The following CDYL2 variants were observed in gnomAD, a reference collection of about 807,000 sequenced individuals.
The protein encoded by CDYL2 is chromodomain Y like 2, also known as chromodomain Y-like protein 2.
A neutral mutation model predicts 49.4 loss-of-function variants in CDYL2; 23 were observed. That is an observed-to-expected ratio of 0.47 (90% CI 0.34 to 0.66). The LOEUF (loss-of-function observed/expected upper bound fraction) is 0.66. Ranked by LOEUF, CDYL2 falls within the 30% of genes least tolerant of loss-of-function variation. The pLI, the probability that CDYL2 is intolerant of heterozygous loss-of-function variation, is 0.01. For synonymous variants in CDYL2, 360 were observed against 268.8 expected (o/e 1.34, Z -3.32); for missense variants, 678 against 656.4 (o/e 1.03, Z -0.36).
chr16:80,627,445 T>C (rs1012320453), intron 3 of CDYL2: 1 of 152,248 alleles, frequency 6.6e-6, no homozygotes, highest in South Asian at 2.1e-4. Flanking sequence ...ATCTCATTTA[T>C]GAATTAAACT....
intron 1 of CDYL2, among the ~76,000 whole-genome samples, chr16:80,698,684 T>G (rs1904286622): frequency 6.6e-6 from 1 of 152,088 alleles, no homozygotes; most frequent in African/African-American, 2.4e-5. Flanking sequence ...GTATGTAGCA[T>G]CTCTCCTCCT....
chr16:80,620,797 G>T lies in CDYL2; in HGVS notation c.973C>A (p.Arg325=), dbSNP rs759272484. Residue 325 remains arginine, a synonymous_variant, in exon 4 of 7, where the codon CGA becomes AGA. Transcript: ENST00000570137. The part of the protein sequence containing the change: ...YLIGRLSSDR[R]KESTRIAEAI... ...TCTGCAATCCGAGTGCTCTCCTTTC[G>T]CCGGTCGCTGGACAACCGGCCAATT... 59 of 1,609,490 alleles carry T rather than the reference G, an allele frequency of 3.7e-5. No individual in the cohort carries two copies. Among genetic ancestry groups the T allele is most frequent in the Non-Finnish European group, 4.9e-5 (58 of 1,176,958 alleles).
intron 1 of CDYL2, among the ~76,000 whole-genome samples, chr16:80,713,566 A>G (rs1904693869): frequency 6.6e-6 from 1 of 151,976 alleles, no homozygotes; most frequent in Non-Finnish European, 1.5e-5. Context: ...GCCTCAACAC[A>G]ATCTTCTCTA....
chr16:80,672,252 G>C (rs1008698330), intron 2 of CDYL2, among the ~76,000 whole-genome samples: 1 of 151,434 alleles, frequency 6.6e-6, no homozygotes, highest in Non-Finnish European at 1.5e-5. Flanking sequence ...TATGGAAATA[G>C]ACGGAAACAG....
At chr16:80,646,108 T>G (rs1908332336) in intron 2 of CDYL2, among the ~76,000 whole-genome samples, 1 of 151,982 alleles carries the variant, frequency 6.6e-6, no homozygotes, top group Non-Finnish European at 1.5e-5. Flanking sequence ...AACCTGCACG[T>G]TGTGTACATG....
At chr16:80,795,248 T>G (rs1907735885) in intron 1 of CDYL2, among the ~76,000 whole-genome samples, 1 of 152,120 alleles carries the variant, frequency 6.6e-6, no homozygotes, top group Non-Finnish European at 1.5e-5. Context: ...CACAAACGTA[T>G]CCCTCAAGTC....
At chr16:80,719,844 A>G (rs3100180) in intron 1 of CDYL2, among the ~76,000 whole-genome samples, 99,057 of 152,030 alleles carry the variant, frequency 0.65, 32,725 homozygotes, top group Middle Eastern at 0.74. Flanking sequence ...TCAGCCCAAG[A>G]GGGTACCAAA....
chr16:80,743,875 C>A (rs935366436), intron 1 of CDYL2, among the ~76,000 whole-genome samples: 6 of 152,142 alleles, frequency 3.9e-5, no homozygotes, highest in African/African-American at 1.2e-4. Context: ...TGCCTGAACA[C>A]AGGCTTGGCA....
At chr16:80,766,778 A>C (rs1906741336) in intron 1 of CDYL2, among the ~76,000 whole-genome samples, 1 of 152,234 alleles carries the variant, frequency 6.6e-6, no homozygotes, top group Non-Finnish European at 1.5e-5. Flanking sequence ...AAGTGTAAAA[A>C]GCAACATCAC....
At chr16:80,787,885 C>T (rs1907488137) in intron 1 of CDYL2, among the ~76,000 whole-genome samples, 1 of 152,020 alleles carries the variant, frequency 6.6e-6, no homozygotes, top group Admixed American at 6.6e-5. Context: ...GCCAAGCATG[C>T]AGACATATTT....
In CDYL2 at chr16:80,684,832, G is replaced by A. The variant is rs766737973; in HGVS notation, c.322C>T (p.Arg108Ter). 5 of 1,614,136 alleles carry A rather than the reference G, an allele frequency of 3.1e-6. No individual in the cohort carries two copies. The highest frequency in any genetic ancestry group is 1.1e-5 in the South Asian group (1 of 91,080). Reference protein sequence around the residue: ...KSKGTSHKRKRINPPLAKPKK... With the variant: ...KSKGTSHKRK ...GGCTTGGCCAGGGGAGGGTTAATTC[G>A]CTTCCGTTTATGGGAGGTCCCCTTG... The change falls in exon 2 of 7, where the codon CGA (arginine) becomes TGA (stop). Residue 108 changes from arginine to a stop codon, truncating the protein, a stop_gained. Coordinates refer to ENST00000570137, the MANE Select transcript of CDYL2 (RefSeq NM_152342.4). LOFTEE classifies it high-confidence loss of function.
At position 80,732,095 on chromosome 16, in the gene CDYL2, T is replaced by C. The variant is rs118117277; in HGVS notation, c.25-46966A>G. ...CTCTCCAGAATTAAATAGACAGTCATAATGCAAATTATGAGAGTCATCATT... is the reference window on the plus strand; with the variant it reads ...CTCTCCAGAATTAAATAGACAGTCACAATGCAAATTATGAGAGTCATCATT... On this transcript the variant is annotated intron_variant, in intron 1 of 6. Coordinates refer to ENST00000570137, the MANE Select transcript of CDYL2 (RefSeq NM_152342.4). Among the ~76,000 whole-genome samples, 796 of 152,272 alleles carry C rather than the reference T, an allele frequency of 5.2e-3. 3 individuals carry two copies. The highest frequency in any genetic ancestry group is 8.3e-3 in the Non-Finnish European group (567 of 68,016).
At chr16:80,723,869 G>A (rs1274800759) in intron 1 of CDYL2, among the ~76,000 whole-genome samples, 1 of 151,666 alleles carries the variant, frequency 6.6e-6, no homozygotes, top group East Asian at 1.9e-4. Context: ...GGAGAAAGAG[G>A]AGGAAGAGGA....
chr16:80,745,202 G>A (rs1344051677), intron 1 of CDYL2, among the ~76,000 whole-genome samples: 2 of 152,174 alleles, frequency 1.3e-5, no homozygotes, highest in East Asian at 3.9e-4. Flanking sequence ...CCCCCAGCTA[G>A]AATGCAGGGG....
chr16:80,804,286 T>A lies in CDYL2; in HGVS notation c.-113A>T. The A allele has an allele frequency of 1.1e-6, 1 of 930,610 alleles. No individual in the cohort carries two copies. Among genetic ancestry groups the A allele is most frequent in the Non-Finnish European group, 1.4e-6 (1 of 696,524 alleles). 57.6% of individuals were successfully genotyped at this position (930,610 alleles called of 1,614,324 possible). On this transcript the variant is annotated 5_prime_UTR_variant, in exon 1 of 7. Transcript: ENST00000570137. ...GTGTGTGCGCGCGTGTGTGTGCGAG[T>A]GTGTGTGGTGTGTTGAGTAAACTGT...
At chr16:80,680,747 G>A (rs142163855) in intron 2 of CDYL2, among the ~76,000 whole-genome samples, 9 of 152,146 alleles carry the variant, frequency 5.9e-5, no homozygotes, top group African/African-American at 1.2e-4. Context: ...ACCAACAGAT[G>A]GATCTATGAA....
chr16:80,691,091 G>T (rs557259956), intron 1 of CDYL2, among the ~76,000 whole-genome samples: 1 of 151,856 alleles, frequency 6.6e-6, no homozygotes, highest in African/African-American at 2.4e-5. Context: ...AGACATCCAC[G>T]CCTACAGCCT....
intron 2 of CDYL2, among the ~76,000 whole-genome samples, chr16:80,668,338 G>C (rs1334673556): frequency 3.3e-5 from 5 of 152,234 alleles, no homozygotes; most frequent in Admixed American, 2.0e-4. Flanking sequence ...TAAATGAATA[G>C]ACAGACAGAT....
intron 1 of CDYL2, among the ~76,000 whole-genome samples, chr16:80,697,428 T>C (rs1380342567): frequency 6.6e-6 from 1 of 151,956 alleles, no homozygotes; most frequent in East Asian, 1.9e-4. Flanking sequence ...TCCTCAACAT[T>C]ATAAAGGCCA....
Sources: allele counts gnomAD v4.1 joint callset (sites outside exome capture counted in the v4.1 genomes callset), GRCh38; gene constraint gnomAD v4.1.1; transcripts MANE v1.5; gene names NCBI Gene and HGNC (gene_info 2026-07-23, HGNC 2026-07-21).